Variants in CSMD1 observed in about 807,000 individuals in gnomAD.
CSMD1 encodes CUB and sushi domain-containing protein 1.
Under a neutral mutation model 417.5 loss-of-function variants are expected in CSMD1, and 213 were observed. The observed-to-expected ratio is 0.51, with a 90% CI of 0.46 to 0.57. The LOEUF (loss-of-function observed/expected upper bound fraction) is 0.57. CSMD1 is among the 20% of genes least tolerant of loss of function. The probability of loss-of-function intolerance (pLI) is 0.00; values close to 1 mark genes in which losing one functional copy is unlikely to be tolerated. For synonymous variants in CSMD1, 2,862 were observed against 1,736.8 expected, an observed-to-expected ratio of 1.65 and a Z score of -16.11; for missense variants, 6,923 against 4,529.7, an observed-to-expected ratio of 1.53 and a Z score of -15.17.
chr8:3,291,671 T>C (rs951432521), intron 25 of CSMD1, among the ~76,000 whole-genome samples: 3 of 152,170 alleles, frequency 2.0e-5, no homozygotes, highest in African/African-American at 7.2e-5. Context: ...TCGGTGGTGA[T>C]ATTACCTTTA....
At chr8:4,387,649 TA>T (rs1368313990) in intron 3 of CSMD1, among the ~76,000 whole-genome samples, 1 of 147,018 alleles carries the variant, frequency 6.8e-6, no homozygotes, top group Non-Finnish European at 1.5e-5. Flanking sequence ...TTACAATAAT[TA>T]AAAATGAAAA....
intron 48 of CSMD1, among the ~76,000 whole-genome samples, chr8:3,088,898 G>T (rs1169969563): frequency 6.7e-6 from 1 of 149,196 alleles, no homozygotes; most frequent in Non-Finnish European, 1.5e-5. Flanking sequence ...TCAGACTGTA[G>T]ATTCCTCTCC....
At chr8:2,946,348 C>T (rs1563170024) in intron 68 of CSMD1, among the ~76,000 whole-genome samples, 1 of 152,144 alleles carries the variant, frequency 6.6e-6, no homozygotes, top group Admixed American at 6.5e-5. Context: ...AGATTGGTGT[C>T]CCTCCAAAAG....
chr8:4,978,575 G>A (rs1053112530), intron 1 of CSMD1, among the ~76,000 whole-genome samples: 1 of 152,124 alleles, frequency 6.6e-6, no homozygotes, highest in African/African-American at 2.4e-5. Context: ...TGGCTTCACT[G>A]GGAATTCACA....
At chr8:4,817,591 C>T (rs1328770514) in intron 1 of CSMD1, among the ~76,000 whole-genome samples, 1 of 152,170 alleles carries the variant, frequency 6.6e-6, no homozygotes, top group Non-Finnish European at 1.5e-5. Flanking sequence ...TGACTTTGCT[C>T]ATGCAATCAA....
At chr8:3,274,931 T>G (rs1190224247) in intron 26 of CSMD1, among the ~76,000 whole-genome samples, 4 of 152,206 alleles carry the variant, frequency 2.6e-5, no homozygotes, top group Admixed American at 1.3e-4. Context: ...CATTTACATT[T>G]AAAGTTAATA....
chr8:4,286,916 C>T (rs1797090110), intron 3 of CSMD1, among the ~76,000 whole-genome samples: 1 of 152,150 alleles, frequency 6.6e-6, no homozygotes, highest in East Asian at 1.9e-4. Context: ...TCAAATGAAT[C>T]AGTTTTGTTA....
intron 4 of CSMD1, among the ~76,000 whole-genome samples, chr8:4,027,541 C>G (rs867007489): frequency 6.6e-6 from 1 of 152,106 alleles, no homozygotes; most frequent in East Asian, 1.9e-4. Flanking sequence ...CTCCTGCTGT[C>G]CTGTGAAAAC....
intron 62 of CSMD1, among the ~76,000 whole-genome samples, chr8:2,960,375 G>C (rs1400069442): frequency 6.6e-6 from 1 of 152,236 alleles, no homozygotes; most frequent in South Asian, 2.1e-4. Context: ...GCTCACGAGA[G>C]ATGGGGAAAG....
At chr8:4,740,488 G>A (rs1405403928) in intron 1 of CSMD1, among the ~76,000 whole-genome samples, 1 of 152,174 alleles carries the variant, frequency 6.6e-6, no homozygotes, top group Non-Finnish European at 1.5e-5. Context: ...AGAGGAAAGT[G>A]CAATGGTAAA....
intron 3 of CSMD1, among the ~76,000 whole-genome samples, chr8:4,311,747 T>A (rs10108989): frequency 0.12 from 16,610 of 141,848 alleles, 3,084 homozygotes; most frequent in African/African-American, 0.4. Flanking sequence ...AAAAGTAGAA[T>A]CTAAATTATG....
intron 16 of CSMD1, among the ~76,000 whole-genome samples, chr8:3,398,880 G>T (rs184864626): frequency 4.6e-5 from 7 of 152,118 alleles, no homozygotes; most frequent in Admixed American, 4.6e-4. Flanking sequence ...AAATAGCTAA[G>T]CCAAGCAACA....
intron 42 of CSMD1, among the ~76,000 whole-genome samples, chr8:3,110,948 T>G (rs1816476559): frequency 6.6e-6 from 1 of 152,170 alleles, no homozygotes; most frequent in African/African-American, 2.4e-5. Flanking sequence ...GTTAAGAAAT[T>G]TATATTTATT....
intron 3 of CSMD1, among the ~76,000 whole-genome samples, chr8:4,076,533 C>T (rs767213539): frequency 6.6e-6 from 1 of 152,058 alleles, no homozygotes; most frequent in African/African-American, 2.4e-5. Context: ...GAGCCAAAAA[C>T]GAATACCTAA....
At chr8:4,835,028 T>G (rs74299171) in intron 1 of CSMD1, among the ~76,000 whole-genome samples, 2,476 of 134,960 alleles carry the variant, frequency 0.018, 145 homozygotes, top group East Asian at 0.12. Context: ...ATCACAGTAT[T>G]GGGGGAACAA....
At chr8:3,484,485 T>C (rs1427365166) in intron 11 of CSMD1, among the ~76,000 whole-genome samples, 1 of 152,156 alleles carries the variant, frequency 6.6e-6, no homozygotes, top group East Asian at 1.9e-4. Context: ...GTAAAACTTT[T>C]AGGAATATGT....
chr8:3,970,253 G>T (rs1315679132), intron 5 of CSMD1, among the ~76,000 whole-genome samples: 1 of 152,148 alleles, frequency 6.6e-6, no homozygotes, highest in Non-Finnish European at 1.5e-5. Flanking sequence ...CAACTAAACA[G>T]ACCAGAACGC....
At chr8:3,689,912 T>C (rs147386178) in intron 7 of CSMD1, among the ~76,000 whole-genome samples, 15 of 152,232 alleles carry the variant, frequency 9.9e-5, no homozygotes. Flanking sequence ...TAAATAAAGC[T>C]GCAAATAATC....
chr8:4,790,304 A>C (rs1322889100), intron 1 of CSMD1, among the ~76,000 whole-genome samples: 1 of 152,204 alleles, frequency 6.6e-6, no homozygotes, highest in Non-Finnish European at 1.5e-5. Context: ...CACGAGAATT[A>C]CAAAACAGAA....
Sources: allele counts gnomAD v4.1 joint callset (sites outside exome capture counted in the v4.1 genomes callset), GRCh38; gene constraint gnomAD v4.1.1; transcripts MANE v1.5; gene names NCBI Gene and HGNC (gene_info 2026-07-23, HGNC 2026-07-21).